PCIF1: variants seen among roughly 807,000 people sequenced by gnomAD.
The protein encoded by PCIF1 is phosphorylated CTD interacting factor 1, also known as mRNA (2'-O-methyladenosine-N(6)-)-methyltransferase.
PCIF1 carries 12 observed loss-of-function variants against 86.9 expected under a neutral mutation model. That is an observed-to-expected ratio of 0.14 (90% CI 0.09 to 0.22). The LOEUF is 0.22. PCIF1 is among the 10% of genes least tolerant of loss of function. PCIF1 has a pLI of 1.00. For missense variants in PCIF1, 701 were observed against 951.1 expected (o/e 0.74, Z 3.46); for synonymous variants, 397 against 372.0 (o/e 1.07, Z -0.77).
In PCIF1 at chr20:45,938,994, G is replaced by A. The variant is rs2083447625; in HGVS notation, c.-6G>A. On this transcript the variant is annotated 5_prime_UTR_variant, in exon 3 of 17. It adds an upstream start codon to the 5' untranslated region. Transcript: ENST00000372409. The stretch of plus-strand genomic sequence containing the variant: ...TCTGTGTGGCAGGTCCTGTGTGGGT[G>A]TGGAGATGGCCAATGAGAATCACGG... The A allele has an allele frequency of 6.2e-7, 1 of 1,613,948 alleles. No homozygotes were observed. Among genetic ancestry groups the A allele is most frequent in the African/African-American group, 1.3e-5 (1 of 75,010 alleles).
chr20:45,935,263 C>A (rs1004054418), intron 1 of PCIF1, among the ~76,000 whole-genome samples: 3 of 152,012 alleles, frequency 2.0e-5, no homozygotes, highest in Non-Finnish European at 2.9e-5. Flanking sequence ...ACTTTGTTCG[C>A]CCTTTGACTC....
chr20:45,944,852 A>G lies in PCIF1; in HGVS notation c.1006-16A>G, dbSNP rs200269935. ...CTGGCCTCCACTAGCGCCCTGATCC[A>G]GAATGTGTCCTCTAGGATCGCCTGG... On this transcript the variant is annotated splice_polypyrimidine_tract_variant and intron_variant, in intron 10 of 16. Coordinates refer to ENST00000372409, the MANE Select transcript of PCIF1 (RefSeq NM_022104.4). 5 of 1,607,010 alleles carry G rather than the reference A, an allele frequency of 3.1e-6. No homozygotes were observed. The highest frequency in any genetic ancestry group is 2.2e-5 in the East Asian group (1 of 44,660).
At chr20:45,945,956 C>A in intron 12 of PCIF1, 73 bp downstream of exon 12, 3 of 1,613,050 alleles carry the variant, frequency 1.9e-6, no homozygotes, top group Non-Finnish European at 2.5e-6. Flanking sequence ...GAGCAGAGTC[C>A]CCAGCAGGAG....
intron 10 of PCIF1, among the ~76,000 whole-genome samples, chr20:45,944,240 T>C (rs2083501622): frequency 6.6e-6 from 1 of 152,170 alleles, no homozygotes; most frequent in Non-Finnish European, 1.5e-5. Context: ...GGGCTTTCTT[T>C]TCAGGACCAT....
chr20:45,935,436 C>A lies in PCIF1; in HGVS notation c.-188+632C>A, dbSNP rs546094776. 7.9e-5 allele frequency among the ~76,000 whole-genome samples: 12 copies of A among 152,196 alleles called. 1 individual carries two copies. In the East Asian group the frequency reaches 1.4e-3, roughly 17 times the overall value. On this transcript the variant is annotated intron_variant, in intron 1 of 16. Coordinates refer to ENST00000372409, the MANE Select transcript of PCIF1 (RefSeq NM_022104.4). The stretch of plus-strand genomic sequence containing the variant: ...GCGGTAATTCTCAAACTGCGGTATG[C>A]GTGGGGGTCGGGAAGCCACAGGATA...
At chr20:45,941,592 G>A (rs547720061) in intron 7 of PCIF1, among the ~76,000 whole-genome samples, 15 of 151,794 alleles carry the variant, frequency 9.9e-5, no homozygotes, top group South Asian at 8.4e-4. Flanking sequence ...CCCGAGTAGC[G>A]GGATTACAGG....
At chr20:45,945,420 G>A (rs1231888094) in intron 11 of PCIF1, among the ~76,000 whole-genome samples, 1 of 152,202 alleles carries the variant, frequency 6.6e-6, no homozygotes, top group African/African-American at 2.4e-5. Flanking sequence ...TCGTTCTTCT[G>A]CCTGGCAGCA....
At chr20:45,946,540 C>G (rs183787345) in intron 14 of PCIF1, among the ~76,000 whole-genome samples, 156 bp downstream of exon 14, 119 of 152,336 alleles carry the variant, frequency 7.8e-4, no homozygotes, top group Non-Finnish European at 1.2e-3. Flanking sequence ...TGCTTAACTT[C>G]TGGGAGCCTG....
Position 45,946,193 on chromosome 20 carries a change from T to C in PCIF1, c.1429-7T>C, listed in dbSNP as rs756250345. ...AGCCCCAGGTGCTGACGGTGGCCACTCCGCAGATGATGTTCGGCGTGGGCC... is the reference window on the plus strand; with the variant it reads ...AGCCCCAGGTGCTGACGGTGGCCACCCCGCAGATGATGTTCGGCGTGGGCC... On this transcript the variant is annotated splice_polypyrimidine_tract_variant and splice_region_variant and intron_variant, in intron 13 of 16. Transcript: ENST00000372409. The C allele has an allele frequency of 1.2e-6, 2 of 1,614,004 alleles. No homozygotes were observed. The highest frequency in any genetic ancestry group is 1.7e-6 in the Non-Finnish European group (2 of 1,180,022).
Position 45,947,498 on chromosome 20 carries a change from C to T in PCIF1, c.1884-26C>T, listed in dbSNP as rs2083542557. The T allele has an allele frequency of 1.2e-6, 2 of 1,613,442 alleles. No homozygotes were observed. The highest frequency in any genetic ancestry group is 1.7e-5 in the Admixed American group (1 of 60,002). ...GCTGGCCAGGCCAGGCCCAGCCCCA[C>T]CCTGAGCCATTGCCTTTGCCCGCAG... On this transcript the variant is annotated intron_variant, in intron 16 of 16. Coordinates refer to ENST00000372409, the MANE Select transcript of PCIF1 (RefSeq NM_022104.4). This position sits in a 1 kb window ranked among gnomAD's most constrained non-coding sequence, Gnocchi z 5.4.
In PCIF1 at chr20:45,947,882, C is replaced by A; in HGVS notation, c.*127C>A. On this transcript the variant is annotated 3_prime_UTR_variant, in exon 17 of 17. Coordinates refer to ENST00000372409, the MANE Select transcript of PCIF1 (RefSeq NM_022104.4). The surrounding 1 kb of genome is among the most constrained non-coding windows in gnomAD (Gnocchi z 5.4). ...AGATTATGGTTCTGCCAGGGCTCCC[C>A]TCCCTGCCTGTCCCCAAGTCCTCAC... 6.5e-7 allele frequency: 1 copy of A among 1,532,578 alleles called. No homozygotes were observed. Among genetic ancestry groups the A allele is most frequent in the East Asian group, 2.4e-5 (1 of 40,940 alleles). 94.9% of individuals were successfully genotyped at this position (1,532,578 alleles called of 1,614,324 possible).
At chr20:45,945,199 C>T (rs546547922) in intron 11 of PCIF1, among the ~76,000 whole-genome samples, 169 bp downstream of exon 11, 1 of 152,256 alleles carries the variant, frequency 6.6e-6, no homozygotes, top group East Asian at 1.9e-4. Context: ...AAGGGAGAGC[C>T]AGATGGTGGT....
intron 2 of PCIF1, chr20:45,937,905 C>T (rs1191985037): frequency 2.8e-5 from 7 of 246,616 alleles, no homozygotes; most frequent in Admixed American, 5.6e-5. Flanking sequence ...CCAATCAGAG[C>T]TTCTGATCAG....
chr20:45,943,432 G>A lies in PCIF1; in HGVS notation c.905+9G>A. 3 of 1,611,694 alleles carry A rather than the reference G, an allele frequency of 1.9e-6. 1 individual carries two copies. In the South Asian group the frequency reaches 3.3e-5, roughly 18 times the overall value. ...CGGCTCATCGAGTCCAGGTTTGCCT[G>A]TCTTCTGCCCCAGGCGAGATGGGTC... On this transcript the variant is annotated intron_variant, in intron 9 of 16. Transcript: ENST00000372409. This position sits in a 1 kb window ranked among gnomAD's most constrained non-coding sequence, Gnocchi z 5.5.
rs763640084 is a variant in PCIF1, at chr20:45,947,694, A to T, written c.2054A>T (p.Glu685Val). ...SSGSSSSSSSEAKDRDSGREQ... is the reference protein window; with the variant it reads ...SSGSSSSSSSVAKDRDSGREQ... ...GGTTCTTCCTCATCGTCCTCCTCGG[A>T]GGCCAAGGACCGGGACTCGGGCCGT... is the stretch of plus-strand genomic sequence containing the variant. Residue 685 changes from glutamate to valine, a missense_variant, in exon 17 of 17, where the codon GAG becomes GTG. Coordinates refer to ENST00000372409, the MANE Select transcript of PCIF1 (RefSeq NM_022104.4). The surrounding 1 kb of genome is among the most constrained non-coding windows in gnomAD (Gnocchi z 5.4). 2 of 1,609,518 alleles carry T rather than the reference A, an allele frequency of 1.2e-6. No individual in the cohort carries two copies. Among genetic ancestry groups the T allele is most frequent in the Non-Finnish European group, 1.7e-6 (2 of 1,177,758 alleles).
intron 4 of PCIF1, among the ~76,000 whole-genome samples, chr20:45,939,979 A>G (rs1476577623): frequency 2.6e-5 from 4 of 152,222 alleles, no homozygotes; most frequent in African/African-American, 7.2e-5. Context: ...GAGACCTCAC[A>G]GTAATAGGCA....
At chr20:45,935,236 C>A (rs994948942) in intron 1 of PCIF1, among the ~76,000 whole-genome samples, 23 of 151,738 alleles carry the variant, frequency 1.5e-4, no homozygotes, top group Admixed American at 1.0e-3. Context: ...CGCCTTCGTG[C>A]GCCGTCGCGC....
At chr20:45,945,644 T>C (rs2083517262) in intron 11 of PCIF1, 67 bp from the exon 12 acceptor site, 1 of 1,562,192 alleles carries the variant, frequency 6.4e-7, no homozygotes, top group Admixed American at 1.7e-5. Flanking sequence ...GTACAAAGCA[T>C]GTGGCCCACA....
intron 4 of PCIF1, 100 bp from the exon 5 acceptor site, chr20:45,940,375 T>G: frequency 1.4e-6 from 2 of 1,388,632 alleles, no homozygotes; most frequent in Non-Finnish European, 1.9e-6. Flanking sequence ...TGCTCTTCCC[T>G]AAGGAGTAGG....
Sources: gnomAD v4.1 joint callset for allele counts (sites outside exome capture counted in the v4.1 genomes callset) on GRCh38, gnomAD v4.1.1 for gene constraint, Gnocchi (gnomAD v3.1) non-coding constraint, MANE v1.5 for transcripts, NCBI Gene and HGNC (gene_info 2026-07-23, HGNC 2026-07-21) for gene names.